Variants in HEATR5A observed in about 807,000 individuals in gnomAD.
HEATR5A encodes HEAT repeat-containing protein 5A.
HEATR5A carries 178 observed loss-of-function variants against 218.8 expected under a neutral mutation model. The ratio of observed to expected loss-of-function variants is 0.81; its 90% CI spans 0.72 to 0.92. The LOEUF (loss-of-function observed/expected upper bound fraction) is 0.92. Among genes scored for constraint, HEATR5A ranks in the 40% least tolerant of loss-of-function variants. HEATR5A has a pLI of 0.00. For missense variants in HEATR5A, 2,420 were observed against 2,418.9 expected, an observed-to-expected ratio of 1.00 and a Z score of -0.01; for synonymous variants, 864 against 871.6, an observed-to-expected ratio of 0.99 and a Z score of 0.15.
intron 27 of HEATR5A, among the ~76,000 whole-genome samples, chr14:31,313,999 G>A (rs1171407291): frequency 6.6e-6 from 1 of 152,126 alleles, no homozygotes; most frequent in Non-Finnish European, 1.5e-5. Context: ...CCAGGCTGGA[G>A]TGCAGTGGTG....
chr14:31,366,710 G>T (rs1278538059), intron 13 of HEATR5A, among the ~76,000 whole-genome samples: 5 of 152,052 alleles, frequency 3.3e-5, no homozygotes, highest in African/African-American at 1.2e-4. Context: ...CTTTTCTGAG[G>T]CCAACCAGCC....
chr14:31,374,690 C>CA (rs1052774641), intron 12 of HEATR5A, 126 bp downstream of exon 12: 451 of 821,484 alleles, frequency 5.5e-4, no homozygotes, highest in South Asian at 7.4e-4. Context: ...TGTTCAGTTA[C>CA]AAAAAAAAAT....
rs1399611406 is a variant in HEATR5A, at chr14:31,321,798, A to AG, written c.3788-119_3788-118insC. ...TCCTCCTTTAAGTACCTCTGACTTG[A>AG]TATACTGTTTTTGCTGTTTGTTAAA... On this transcript the variant is annotated intron_variant, in intron 24 of 35. Transcript: ENST00000543095. 6.9e-6 allele frequency: 5 copies of AG among 721,226 alleles called. No individual in the cohort carries two copies. The African/African-American group carries it at 8.9e-5, about 13-fold the overall frequency. The allele number at this position is 721,226 out of a possible 1,614,324, so 44.7% of individuals were successfully genotyped here.
At chr14:31,363,842 C>T (rs1463783175) in intron 14 of HEATR5A, among the ~76,000 whole-genome samples, 1 of 151,918 alleles carries the variant, frequency 6.6e-6, no homozygotes, top group Non-Finnish European at 1.5e-5. Context: ...ACTAGCTGAG[C>T]GTGGTGGTGT....
At chr14:31,338,104 G>C (rs73259303) in intron 21 of HEATR5A, among the ~76,000 whole-genome samples, 14 of 152,238 alleles carry the variant, frequency 9.2e-5, no homozygotes, top group African/African-American at 3.4e-4. Context: ...TCACTTACTA[G>C]CTGTGTGACT....
intron 16 of HEATR5A, among the ~76,000 whole-genome samples, chr14:31,353,317 T>C (rs1299321881): frequency 6.6e-6 from 1 of 152,242 alleles, no homozygotes; most frequent in Non-Finnish European, 1.5e-5. Context: ...GGTTTTACTA[T>C]AATAGTATTA....
rs767100519 is a variant in HEATR5A, at chr14:31,345,256, T to G, written c.2889A>C (p.Leu963=). ...GGCCAGCAGAATCAATGATCAATGA[T>G]AGAGAATGTAATGCCCAGGTCTGTA... ...PDVQTWALHS[L]SLIIDSAGPL... The change falls in exon 20 of 36, where the codon CTA becomes CTC. Residue 963 remains leucine, a synonymous_variant. Coordinates refer to ENST00000543095, the MANE Select transcript of HEATR5A (RefSeq NM_015473.4). 2 of 1,611,872 alleles carry G rather than the reference T, an allele frequency of 1.2e-6. No homozygotes were observed. The highest frequency in any genetic ancestry group is 4.5e-5 in the East Asian group (2 of 44,828).
chr14:31,364,671 G>A (rs1277266653), intron 13 of HEATR5A, among the ~76,000 whole-genome samples: 2 of 151,950 alleles, frequency 1.3e-5, no homozygotes, highest in East Asian at 1.9e-4. Context: ...CAATCCTCTC[G>A]CCTCAGCCTC....
Position 31,293,999 on chromosome 14 carries a change from G to GT in HEATR5A, c.5724dup (p.Leu1909ThrfsTer10), listed in dbSNP as rs761328459. ...GGTTTTCTCTTGTCTATTTCCTGCAGTTTTTCCATGATACAGGATGCTAAA... is the reference window on the plus strand; with the variant it reads ...GGTTTTCTCTTGTCTATTTCCTGCAGTTTTTTCCATGATACAGGATGCTAAA... On this transcript the variant is annotated frameshift_variant, in exon 35 of 36. Transcript: ENST00000543095. LOFTEE classifies it high-confidence loss of function. 2.5e-6 allele frequency: 4 copies of GT among 1,605,328 alleles called. No homozygotes were observed. In the Admixed American group the frequency reaches 5.1e-5, roughly 21 times the overall value.
chr14:31,302,230 C>T, intron 33 of HEATR5A, 65 bp downstream of exon 33: 1 of 1,140,936 alleles, frequency 8.8e-7, no homozygotes, highest in Admixed American at 2.1e-5. Context: ...AATATCTTAT[C>T]CTCAAAAAAC....
In HEATR5A at chr14:31,386,475, A is replaced by T; in HGVS notation, c.1290T>A (p.Asn430Lys). 3 of 1,613,834 alleles carry T rather than the reference A, an allele frequency of 1.9e-6. No individual in the cohort carries two copies. Among genetic ancestry groups the T allele is most frequent in the Non-Finnish European group, 1.7e-6 (2 of 1,179,812 alleles). ...MLVCALQELG[N>K]LIHNLGTTAA... ...CTGTGGTGCCAAGATTGTGTATGAG[A>T]TTTCCAAGTTCTTGTAAAGCACAAA... The change falls in exon 9 of 36, where the codon AAT (asparagine) becomes AAA (lysine). Residue 430 changes from asparagine to lysine, a missense_variant. Asn to Lys is a moderately conservative substitution (Grantham distance 94). Transcript: ENST00000543095.
rs145475893 is a variant in HEATR5A at position 31,300,168 on chromosome 14, G to A, written c.5464+2127C>T. Among the ~76,000 whole-genome samples the A allele has an allele frequency of 4.6e-5, 7 of 152,056 alleles. No individual in the cohort carries two copies. In the East Asian group the frequency reaches 1.2e-3, roughly 25 times the overall value. ...TCTTTCCCTACTAATTGCCATTCACGACTCTTACACACTCTTCCATCCAAA... is the reference window on the plus strand; with the variant it reads ...TCTTTCCCTACTAATTGCCATTCACAACTCTTACACACTCTTCCATCCAAA... On this transcript the variant is annotated intron_variant, in intron 33 of 35. Coordinates refer to ENST00000543095, the MANE Select transcript of HEATR5A (RefSeq NM_015473.4).
intron 1 of HEATR5A, among the ~76,000 whole-genome samples, chr14:31,418,719 G>T (rs968582028): frequency 6.6e-6 from 1 of 151,814 alleles, no homozygotes. Flanking sequence ...TTATACTATG[G>T]GATAATTAAT....
intron 23 of HEATR5A, 139 bp downstream of exon 23, chr14:31,326,024 T>G: frequency 1.5e-6 from 1 of 661,732 alleles, no homozygotes; most frequent in South Asian, 1.9e-5. Context: ...AATACAATCT[T>G]CATTTGAAGA....
intron 24 of HEATR5A, among the ~76,000 whole-genome samples, chr14:31,323,338 T>A (rs1350224246): frequency 2.0e-5 from 3 of 151,524 alleles, no homozygotes; most frequent in Non-Finnish European, 4.4e-5. Flanking sequence ...TTAAAAAAAT[T>A]TTTTTAATAG....
chr14:31,404,066 C>T (rs1438209417), intron 1 of HEATR5A, among the ~76,000 whole-genome samples: 12 of 152,072 alleles, frequency 7.9e-5, no homozygotes, highest in Admixed American at 3.3e-4. Flanking sequence ...CATTTTTCCA[C>T]ATTTTAAAAA....
chr14:31,405,999 G>A lies in HEATR5A; in HGVS notation c.-74-2950C>T, dbSNP rs186184105. ...GTAGACAATTCATGTTGGTAATCTCGCATCTAAAACTCACAAGTCTAAAAT... is the reference window on the plus strand; with the variant it reads ...GTAGACAATTCATGTTGGTAATCTCACATCTAAAACTCACAAGTCTAAAAT... On this transcript the variant is annotated intron_variant, in intron 1 of 35. Coordinates refer to ENST00000543095, the MANE Select transcript of HEATR5A (RefSeq NM_015473.4). 1.9e-3 allele frequency among the ~76,000 whole-genome samples: 282 copies of A among 152,146 alleles called. 1 individual carries two copies. Among genetic ancestry groups the A allele is most frequent in the Non-Finnish European group, 3.2e-3 (217 of 68,008 alleles).
At chr14:31,342,928 A>G (rs1452237465) in intron 21 of HEATR5A, among the ~76,000 whole-genome samples, 1 of 152,140 alleles carries the variant, frequency 6.6e-6, no homozygotes, top group Non-Finnish European at 1.5e-5. Context: ...TGAAAATGAA[A>G]GGTCTATATA....
In HEATR5A at chr14:31,371,919, A is replaced by T; in HGVS notation, c.1862-10T>A. The T allele has an allele frequency of 7.1e-7, 1 of 1,405,668 alleles. No homozygotes were observed. The highest frequency in any genetic ancestry group is 1.4e-5 in the African/African-American group (1 of 69,630). 87.1% of individuals were successfully genotyped at this position (1,405,668 alleles called of 1,614,324 possible). A position where few individuals can be genotyped will look rare whatever the true frequency, so the allele number is the denominator to read the frequency against. On this transcript the variant is annotated splice_polypyrimidine_tract_variant and intron_variant, in intron 12 of 35. Transcript: ENST00000543095. ...ACAAAGCTCTTGATAGCTGAAAAGGAAAACAGACTTTTACTTGGGCATACT... is the reference window on the plus strand; with the variant it reads ...ACAAAGCTCTTGATAGCTGAAAAGGTAAACAGACTTTTACTTGGGCATACT...
Sources: allele counts gnomAD v4.1 joint callset (sites outside exome capture counted in the v4.1 genomes callset), GRCh38; gene constraint gnomAD v4.1.1; transcripts MANE v1.5; gene names NCBI Gene and HGNC (gene_info 2026-07-23, HGNC 2026-07-21).